ITGB3BP: variants seen among roughly 807,000 people sequenced by gnomAD.
ITGB3BP encodes the protein centromere protein R.
ITGB3BP carries 27 observed loss-of-function variants against 29.1 expected under a neutral mutation model. That is an observed-to-expected ratio of 0.93 (90% confidence interval 0.68 to 1.28). ITGB3BP has a LOEUF of 1.28. ITGB3BP is among the 50% of genes most tolerant of loss of function. The pLI is 0.00. For missense variants in ITGB3BP, 192 were observed against 200.2 expected, an observed-to-expected ratio of 0.96 and a Z score of 0.25; for synonymous variants, 61 against 61.4, an observed-to-expected ratio of 0.99 and a Z score of 0.03.
intron 2 of ITGB3BP, among the ~76,000 whole-genome samples, chr1:63,496,999 G>A (rs955701222): frequency 6.6e-6 from 1 of 152,182 alleles, no homozygotes; most frequent in African/African-American, 2.4e-5. Flanking sequence ...ATCCTTCACT[G>A]AGATTAAACT....
At chr1:63,458,128 A>T (rs1166403737) in intron 4 of ITGB3BP, 1 of 152,146 alleles carries the variant, frequency 6.6e-6, no homozygotes, top group East Asian at 1.9e-4. Context: ...GCATCAGCCA[A>T]ATAAAATCCA....
chr1:63,522,163 T>C (rs1440939408), intron 1 of ITGB3BP, among the ~76,000 whole-genome samples: 1 of 152,246 alleles, frequency 6.6e-6, no homozygotes, highest in Non-Finnish European at 1.5e-5. Flanking sequence ...TCCCCTAAAG[T>C]ATTTTAGGAT....
intron 1 of ITGB3BP, among the ~76,000 whole-genome samples, chr1:63,516,500 G>A (rs1646330971): frequency 6.6e-6 from 1 of 151,720 alleles, no homozygotes; most frequent in African/African-American, 2.4e-5. Context: ...AAGGCATGAG[G>A]ATTGTTTGAG....
chr1:63,515,073 C>T lies in ITGB3BP; in HGVS notation c.6-6503G>A, dbSNP rs527664920. Among the ~76,000 whole-genome samples, 11 of 152,178 alleles carry T rather than the reference C, an allele frequency of 7.2e-5. No homozygotes were observed. In the East Asian group the frequency reaches 7.7e-4, roughly 11 times the overall value. On this transcript the variant is annotated intron_variant, in intron 1 of 8. Transcript: ENST00000271002. ...TTTCTTTTATAATTATTGCTTTCCGCGTCTTGCCTGAAATTTCACCTACTT... is the reference window on the plus strand; with the variant it reads ...TTTCTTTTATAATTATTGCTTTCCGTGTCTTGCCTGAAATTTCACCTACTT...
chr1:63,473,346 CG>C (rs1169702172), intron 4 of ITGB3BP, among the ~76,000 whole-genome samples: 1 of 130,496 alleles, frequency 7.7e-6, no homozygotes, highest in African/African-American at 2.9e-5. Context: ...AGGGAGGTGG[CG>C]GGGGGTCAGC....
At chr1:63,482,183 G>A (rs913040824) in intron 3 of ITGB3BP, among the ~76,000 whole-genome samples, 21 of 133,198 alleles carry the variant, frequency 1.6e-4, no homozygotes, top group Non-Finnish European at 9.2e-5. Context: ...TGAGACAGGA[G>A]AATCACTTGA....
At chr1:63,452,611 CTTT>C (rs71582702) in intron 7 of ITGB3BP, among the ~76,000 whole-genome samples, 29,629 of 144,486 alleles carry the variant, frequency 0.21, 3,193 homozygotes, top group African/African-American at 0.29. Flanking sequence ...CTAAATTTTT[CTTT>C]TTTCTTTTTC....
intron 3 of ITGB3BP, among the ~76,000 whole-genome samples, chr1:63,482,812 C>T (rs951412438): frequency 6.6e-6 from 1 of 151,958 alleles, no homozygotes; most frequent in African/African-American, 2.4e-5. Context: ...CACCACCACG[C>T]CTGGCTAATT....
rs1426758816 is a variant in ITGB3BP, at chr1:63,454,324, C to A, written c.427+56G>T. ...AGAAGTCTATCAAATGTAAATGAGA[C>A]AAATTAATAGGTTTATCTTTAAAAT... On this transcript the variant is annotated intron_variant, in intron 6 of 8. Coordinates refer to ENST00000271002, the MANE Select transcript of ITGB3BP (RefSeq NM_014288.5). The surrounding 1 kb of genome is among the most constrained non-coding windows in gnomAD (Gnocchi z 4.1). 2.3e-6 allele frequency: 2 copies of A among 861,328 alleles called. No individual in the cohort carries two copies. Among genetic ancestry groups the A allele is most frequent in the Admixed American group, 4.2e-5 (2 of 48,088 alleles). 53.4% of individuals were successfully genotyped at this position (861,328 alleles called of 1,614,324 possible). A position where few individuals can be genotyped will look rare whatever the true frequency, so the allele number is the denominator to read the frequency against.
chr1:63,490,269 T>A lies in ITGB3BP; in HGVS notation c.49-51A>T, dbSNP rs745982081. 3 of 1,319,184 alleles carry A rather than the reference T, an allele frequency of 2.3e-6. No individual in the cohort carries two copies. In the African/African-American group the frequency reaches 4.5e-5, roughly 20 times the overall value. 81.7% of individuals were successfully genotyped at this position (1,319,184 alleles called of 1,614,324 possible). ...AGAAATAGCTATGTTTAGTTATAGATCTTTGAAATTATATACCATTAAAAA... is the reference window on the plus strand; with the variant it reads ...AGAAATAGCTATGTTTAGTTATAGAACTTTGAAATTATATACCATTAAAAA... On this transcript the variant is annotated intron_variant, in intron 2 of 8. Transcript: ENST00000271002.
intron 4 of ITGB3BP, among the ~76,000 whole-genome samples, chr1:63,460,804 T>C (rs1645003915): frequency 6.6e-6 from 1 of 152,178 alleles, no homozygotes; most frequent in African/African-American, 2.4e-5. Context: ...TTTTTATTGT[T>C]TGTTTAAATA....
At chr1:63,457,182 G>GTGT (rs1289402407) in intron 4 of ITGB3BP, 3 of 151,940 alleles carry the variant, frequency 2.0e-5, no homozygotes, top group African/African-American at 7.3e-5. Flanking sequence ...GGTTTTTTAA[G>GTGT]TGTTATACAA....
intron 2 of ITGB3BP, among the ~76,000 whole-genome samples, chr1:63,496,588 T>C (rs1484882034): frequency 6.6e-6 from 1 of 152,210 alleles, no homozygotes; most frequent in Non-Finnish European, 1.5e-5. Context: ...CAGGGATAAT[T>C]TGACAGCTGC....
chr1:63,468,066 C>T (rs550373461), intron 4 of ITGB3BP, among the ~76,000 whole-genome samples: 1 of 152,332 alleles, frequency 6.6e-6, no homozygotes, highest in Non-Finnish European at 1.5e-5. Context: ...TCTCTTCTCT[C>T]TGGCTATGGG....
chr1:63,467,831 G>A (rs148203714), intron 4 of ITGB3BP, among the ~76,000 whole-genome samples: 179 of 152,258 alleles, frequency 1.2e-3, no homozygotes, highest in African/African-American at 4.1e-3. Context: ...CAACCCAAAT[G>A]TCAACAGTGC....
chr1:63,464,982 T>C (rs1246036505), intron 4 of ITGB3BP, among the ~76,000 whole-genome samples: 1 of 152,212 alleles, frequency 6.6e-6, no homozygotes. Flanking sequence ...TAATCTTGGA[T>C]TGAATCCTGC....
At chr1:63,515,926 T>C (rs1331497874) in intron 1 of ITGB3BP, among the ~76,000 whole-genome samples, 1 of 149,400 alleles carries the variant, frequency 6.7e-6, no homozygotes, top group African/African-American at 2.5e-5. Context: ...AAAAGACAAA[T>C]GTACTTGTAC....
At chr1:63,463,788 G>GA (rs1000845443) in intron 4 of ITGB3BP, among the ~76,000 whole-genome samples, 2 of 151,876 alleles carry the variant, frequency 1.3e-5, no homozygotes, top group East Asian at 1.9e-4. Context: ...GTTTTGTGAA[G>GA]AAAAAAACAT....
chr1:63,527,910 TTTTC>T (rs1646624116), upstream of ITGB3BP: 1 of 152,196 alleles, frequency 6.6e-6, no homozygotes. Context: ...GAAGATATAA[TTTTC>T]TTTCATGTGG....
Sources: allele counts gnomAD v4.1 joint callset (sites outside exome capture counted in the v4.1 genomes callset), GRCh38; gene constraint gnomAD v4.1.1; non-coding constraint Gnocchi (gnomAD v3.1); transcripts MANE v1.5; gene names NCBI Gene and HGNC (gene_info 2026-07-23, HGNC 2026-07-21).